Variants in CASK observed in about 807,000 individuals in gnomAD.
CASK encodes the protein calcium/calmodulin dependent serine protein kinase.
Under a neutral mutation model 82.9 loss-of-function variants are expected in CASK, and 4 were observed. The observed-to-expected ratio is 0.05, with a 90% CI of 0.02 to 0.11. The LOEUF is 0.11. Among genes scored for constraint, CASK ranks in the 10% least tolerant of loss-of-function variants. The pLI, the probability that CASK is intolerant of heterozygous loss-of-function variation, is 1.00. For missense variants in CASK, 358 were observed against 720.9 expected (o/e 0.50, Z 5.76); for synonymous variants, 259 against 253.5 (o/e 1.02, Z -0.20).
At chrX:41,840,954 C>T (rs2071024897) in intron 2 of CASK, among the ~76,000 whole-genome samples, 1 of 111,686 alleles carries the variant, frequency 9.0e-6, no homozygotes, top group Admixed American at 9.5e-5. Flanking sequence ...AGTTGATGAC[C>T]ATTTGGTTTG....
chrX:41,724,123 T>C (rs1165117480), intron 5 of CASK: 2 of 112,644 alleles, frequency 1.8e-5, no homozygotes, highest in African/African-American at 6.4e-5. Flanking sequence ...TTCTTCAATA[T>C]TCTGTTTAAT....
At chrX:41,736,341 CA>C (rs2068497238) in intron 5 of CASK, among the ~76,000 whole-genome samples, 1 of 110,637 alleles carries the variant, frequency 9.0e-6, no homozygotes. Context: ...CAAAAAACTA[CA>C]AAAAAAATTT....
chrX:41,787,047 C>T, intron 3 of CASK, 131 bp downstream of exon 3: 21 of 506,905 alleles, frequency 4.1e-5, no homozygotes, highest in Admixed American at 3.7e-4. Flanking sequence ...ATCCTTTTTT[C>T]TTGTGACTTT....
At chrX:41,788,513 A>G (rs1242042746) in intron 2 of CASK, among the ~76,000 whole-genome samples, 2 of 111,877 alleles carry the variant, frequency 1.8e-5, no homozygotes, top group Non-Finnish European at 3.8e-5. Context: ...CAGAAAGTAA[A>G]ATAGATAATA....
intron 21 of CASK, among the ~76,000 whole-genome samples, chrX:41,549,492 TTATCAGTTTTGA>T (rs2065066617): frequency 8.9e-6 from 1 of 112,051 alleles, no homozygotes; most frequent in Non-Finnish European, 1.9e-5. Flanking sequence ...GTATACAAAT[TTATCAGTTTTGA>T]TATCTGTAAA....
chrX:41,712,184 T>C (rs1409619266), intron 5 of CASK, among the ~76,000 whole-genome samples: 2 of 112,586 alleles, frequency 1.8e-5, no homozygotes, highest in African/African-American at 6.5e-5. Flanking sequence ...TCCCACTGTT[T>C]TGAGCTGCAG....
intron 15 of CASK, among the ~76,000 whole-genome samples, chrX:41,576,647 T>C (rs1445429151): frequency 8.9e-6 from 1 of 111,983 alleles, no homozygotes; most frequent in African/African-American, 3.2e-5. Context: ...ATTTGGTGAA[T>C]AAATGAATGA....
At chrX:41,847,568 C>T (rs1350165224) in intron 2 of CASK, among the ~76,000 whole-genome samples, 2 of 111,994 alleles carry the variant, frequency 1.8e-5, no homozygotes, top group Non-Finnish European at 1.9e-5. Flanking sequence ...GCTTTTCCCC[C>T]CAAAGTGTGA....
chrX:41,716,626 A>G (rs1372029817), intron 5 of CASK, among the ~76,000 whole-genome samples: 1 of 111,983 alleles, frequency 8.9e-6, no homozygotes, highest in African/African-American at 3.3e-5. Flanking sequence ...CTGCAACTAC[A>G]AGTGCTGGAA....
intron 9 of CASK, among the ~76,000 whole-genome samples, chrX:41,629,140 G>T (rs964184820): frequency 9.0e-6 from 1 of 111,008 alleles, no homozygotes; most frequent in African/African-American, 3.3e-5. Flanking sequence ...TGTTTACGTA[G>T]TTTGTTTTTT....
chrX:41,789,077 A>G (rs1237182792), intron 2 of CASK, among the ~76,000 whole-genome samples: 1 of 111,695 alleles, frequency 9.0e-6, no homozygotes, highest in Non-Finnish European at 1.9e-5. Context: ...CTGGGTTTGA[A>G]CACGATCATA....
intron 5 of CASK, among the ~76,000 whole-genome samples, chrX:41,686,826 C>T (rs766203073): frequency 1.3e-4 from 15 of 111,772 alleles, no homozygotes; most frequent in Non-Finnish European, 2.6e-4. Flanking sequence ...ATAGATGGCA[C>T]CAAACAAGCG....
chrX:41,524,229 C>T, intron 25 of CASK, 195 bp from the exon 26 acceptor site: 1 of 419,128 alleles, frequency 2.4e-6, no homozygotes, highest in Non-Finnish European at 4.1e-6. Flanking sequence ...GGACAATAGC[C>T]ATCAGAAAAT....
chrX:41,661,805 C>T (rs1272203066), intron 7 of CASK, among the ~76,000 whole-genome samples: 1 of 110,275 alleles, frequency 9.1e-6, no homozygotes, highest in Non-Finnish European at 1.9e-5. Flanking sequence ...CCTGTAATCC[C>T]ACACTTTGGG....
At chrX:41,696,051 A>G (rs771945164) in intron 5 of CASK, 29 of 1,206,837 alleles carry the variant, frequency 2.4e-5, no homozygotes, top group South Asian at 3.5e-5. Flanking sequence ...GAACATGTAC[A>G]TTAGCATTAT....
chrX:41,611,598 G>GCTCTCCCTCTCC (rs1199138423), intron 11 of CASK, among the ~76,000 whole-genome samples: 1 of 101,479 alleles, frequency 9.9e-6, no homozygotes, highest in African/African-American at 3.7e-5. Flanking sequence ...CAAGAAAGCA[G>GCTCTCCCTCTCC]CTCTCCCTCT....
intron 11 of CASK, among the ~76,000 whole-genome samples, chrX:41,616,574 A>G (rs2066203051): frequency 9.0e-6 from 1 of 111,350 alleles, no homozygotes; most frequent in Non-Finnish European, 1.9e-5. Flanking sequence ...GAACTTGAAC[A>G]ATGCCCTATT....
At chrX:41,601,588 A>C (rs978198509) in intron 12 of CASK, among the ~76,000 whole-genome samples, 1 of 111,537 alleles carries the variant, frequency 9.0e-6, no homozygotes, top group African/African-American at 3.3e-5. Flanking sequence ...ATTTAGTGTA[A>C]TGGCCCTGTG....
chrX:41,570,010 C>CTTTTTTTTTTTTTTTTTT (rs397937722), intron 15 of CASK, among the ~76,000 whole-genome samples: 107 of 70,588 alleles, frequency 1.5e-3, no homozygotes, highest in East Asian at 3.6e-3. Context: ...TTTCTTTTTT[C>CTTTTTTTTTTTTTTTTTT]TTTTTTTTTT....
Sources: gnomAD v4.1 joint callset for allele counts (sites outside exome capture counted in the v4.1 genomes callset) on GRCh38, gnomAD v4.1.1 for gene constraint, MANE v1.5 for transcripts, NCBI Gene and HGNC (gene_info 2026-07-23, HGNC 2026-07-21) for gene names.